The following MGAT5 variants were observed in gnomAD, a reference collection of about 807,000 sequenced individuals.
MGAT5 encodes the protein alpha-1,6-mannosylglycoprotein 6-beta-N-acetylglucosaminyltransferase A.
In MGAT5, 30 loss-of-function variants were observed where a neutral mutation model predicts 94.3. That is an observed-to-expected ratio of 0.32 (90% confidence interval 0.24 to 0.43). The LOEUF is 0.43. MGAT5 is among the 20% of genes least tolerant of loss of function. The pLI, the probability that MGAT5 is intolerant of heterozygous loss-of-function variation, is 1.00. For synonymous variants in MGAT5, 310 were observed against 322.9 expected (o/e 0.96, Z 0.43); for missense variants, 691 against 905.5 (o/e 0.76, Z 3.04).
intron 1 of MGAT5, among the ~76,000 whole-genome samples, chr2:134,150,034 A>G (rs965696348): frequency 7.2e-5 from 11 of 152,218 alleles, no homozygotes; most frequent in Admixed American, 2.0e-4. Context: ...ATGTGAAGCC[A>G]GCAGGCAGGG....
chr2:134,214,963 T>C (rs1370153468), intron 1 of MGAT5, among the ~76,000 whole-genome samples: 1 of 152,174 alleles, frequency 6.6e-6, no homozygotes, highest in East Asian at 1.9e-4. Flanking sequence ...TCTTCCAGCT[T>C]CTACCTCTAC....
chr2:134,144,508 C>G (rs1467434460), intron 1 of MGAT5, among the ~76,000 whole-genome samples: 1 of 152,188 alleles, frequency 6.6e-6, no homozygotes, highest in East Asian at 1.9e-4. Flanking sequence ...ACCTCCAACA[C>G]TGGGGATTAC....
chr2:134,285,771 T>C (rs1684965283), intron 2 of MGAT5, among the ~76,000 whole-genome samples: 1 of 152,188 alleles, frequency 6.6e-6, no homozygotes, highest in Non-Finnish European at 1.5e-5. Flanking sequence ...TATCTACTGA[T>C]TTTCTGTTAT....
intron 14 of MGAT5, among the ~76,000 whole-genome samples, chr2:134,439,640 G>A (rs1035022240): frequency 6.6e-6 from 1 of 152,046 alleles, no homozygotes; most frequent in Non-Finnish European, 1.5e-5. Context: ...GAGGTAGCAG[G>A]GAACCGAGAT....
At chr2:134,287,565 T>C (rs1573709193) in intron 2 of MGAT5, among the ~76,000 whole-genome samples, 1 of 152,324 alleles carries the variant, frequency 6.6e-6, no homozygotes, top group Non-Finnish European at 1.5e-5. Context: ...ATAGATGACG[T>C]TGGACCCTAA....
At chr2:134,377,741 T>G (rs1011857657) in intron 10 of MGAT5, among the ~76,000 whole-genome samples, 1 of 152,188 alleles carries the variant, frequency 6.6e-6, no homozygotes, top group Non-Finnish European at 1.5e-5. Flanking sequence ...TTCAAAGGAC[T>G]CCCACCATCA....
chr2:134,185,938 G>A (rs193166684), intron 1 of MGAT5, among the ~76,000 whole-genome samples: 2 of 152,296 alleles, frequency 1.3e-5, no homozygotes, highest in Admixed American at 1.3e-4. Context: ...TTGCAGGATC[G>A]CCTGGTGTTC....
At chr2:134,354,203 T>C (rs1679572132) in intron 9 of MGAT5, among the ~76,000 whole-genome samples, 1 of 152,236 alleles carries the variant, frequency 6.6e-6, no homozygotes, top group South Asian at 2.1e-4. Context: ...AATTTCTGTA[T>C]AAATATGCAC....
intron 11 of MGAT5, among the ~76,000 whole-genome samples, chr2:134,411,966 A>C (rs1558867364): frequency 6.6e-6 from 1 of 152,204 alleles, no homozygotes; most frequent in African/African-American, 2.4e-5. Flanking sequence ...CAGCTTCGTC[A>C]AGCCCAGACC....
chr2:134,301,616 G>C (rs1470824872), intron 2 of MGAT5, among the ~76,000 whole-genome samples: 1 of 152,148 alleles, frequency 6.6e-6, no homozygotes, highest in African/African-American at 2.4e-5. Context: ...TCTATTAAGG[G>C]ATTTGTCAAA....
chr2:134,149,420 TAA>T (rs74513169), intron 1 of MGAT5, among the ~76,000 whole-genome samples: 47 of 147,130 alleles, frequency 3.2e-4, no homozygotes, highest in Non-Finnish European at 4.8e-4. Context: ...CAAGGGTGAG[TAA>T]AAAAAAAAAA....
In MGAT5 at chr2:134,195,878, TG is replaced by T. The variant is rs1431181307; in HGVS notation, c.-142-58382del. 9.2e-5 allele frequency among the ~76,000 whole-genome samples: 14 copies of T among 152,372 alleles called. No homozygotes were observed. In the East Asian group the frequency reaches 2.7e-3, roughly 29 times the overall value. Reference sequence around the variant, plus strand: ...CTGTGTGCTGTGCTGGAGAATGTACTGGAAGACCAGAGGGGTCTAGGCTTTG... The same window carrying T: ...CTGTGTGCTGTGCTGGAGAATGTACTGAAGACCAGAGGGGTCTAGGCTTTG... On this transcript the variant is annotated intron_variant, in intron 1 of 16. Coordinates refer to the MGAT5 transcript ENST00000409645.
At chr2:134,421,926 G>C (rs1684322208) in intron 12 of MGAT5, among the ~76,000 whole-genome samples, 1 of 152,000 alleles carries the variant, frequency 6.6e-6, no homozygotes, top group South Asian at 2.1e-4. Flanking sequence ...CCGGCAGTTT[G>C]GGAGGCGGAC....
rs566040520 is a variant in MGAT5, at chr2:134,303,451, T to C, written c.407-14078T>C. Among the ~76,000 whole-genome samples the C allele has an allele frequency of 4.6e-5, 7 of 152,310 alleles. No individual in the cohort carries two copies. The East Asian group carries it at 1.4e-3, about 29-fold the overall frequency. On this transcript the variant is annotated intron_variant, in intron 2 of 15. Coordinates refer to ENST00000281923, the MANE Select transcript of MGAT5 (RefSeq NM_002410.5). ...TCTAGTAGGCAGTTAAATTACTGACTTACTGCCTTGAACTTAAGAAGACTT... is the reference window on the plus strand; with the variant it reads ...TCTAGTAGGCAGTTAAATTACTGACCTACTGCCTTGAACTTAAGAAGACTT...
At chr2:134,349,697 A>G (rs939922600) in intron 8 of MGAT5, 108 bp from the exon 9 acceptor site, 1 of 1,241,868 alleles carries the variant, frequency 8.1e-7, no homozygotes. Flanking sequence ...GCTTCTATTT[A>G]AAAGGATTTA....
chr2:134,156,200 T>G (rs1356315030), intron 1 of MGAT5, among the ~76,000 whole-genome samples: 1 of 152,172 alleles, frequency 6.6e-6, no homozygotes, highest in Non-Finnish European at 1.5e-5. Flanking sequence ...TGAGATCTTG[T>G]TTATTTGCAT....
At chr2:134,235,731 T>G (rs1235143352) in intron 1 of MGAT5, among the ~76,000 whole-genome samples, 1 of 151,748 alleles carries the variant, frequency 6.6e-6, no homozygotes, top group East Asian at 1.9e-4. Context: ...AATAGGGGTT[T>G]TTTTTTTTTG....
At chr2:134,303,922 T>C (rs1686180340) in intron 2 of MGAT5, among the ~76,000 whole-genome samples, 1 of 152,174 alleles carries the variant, frequency 6.6e-6, no homozygotes, top group African/African-American at 2.4e-5. Flanking sequence ...GTGAGTCTTA[T>C]TCAGTGTAGT....
intron 1 of MGAT5, among the ~76,000 whole-genome samples, chr2:134,176,473 T>C (rs1174685807): frequency 6.7e-6 from 1 of 148,550 alleles, no homozygotes; most frequent in Non-Finnish European, 1.5e-5. Context: ...TCAGGGAGGC[T>C]GAGGCAGGAG....
Sources: gnomAD v4.1 joint callset for allele counts (sites outside exome capture counted in the v4.1 genomes callset) on GRCh38, gnomAD v4.1.1 for gene constraint, MANE v1.5 for transcripts, NCBI Gene and HGNC (gene_info 2026-07-23, HGNC 2026-07-21) for gene names.